ROR1: variants seen among roughly 807,000 people sequenced by gnomAD.
The protein encoded by ROR1 is ROR family WNT receptor 1.
Under a neutral mutation model 78.8 loss-of-function variants are expected in ROR1, and 19 were observed. That is an observed-to-expected ratio of 0.24 (90% CI 0.17 to 0.35). The LOEUF is 0.35. Ranked by LOEUF, ROR1 falls within the 10% of genes least tolerant of loss-of-function variation. The probability of loss-of-function intolerance (pLI) is 1.00; values close to 1 mark genes in which losing one functional copy is unlikely to be tolerated. For missense variants in ROR1, 917 were observed against 1,177.8 expected (o/e 0.78, Z 3.24); for synonymous variants, 386 against 433.6 (o/e 0.89, Z 1.36).
chr1:64,174,006 G>A (rs1232410767), intron 8 of ROR1, among the ~76,000 whole-genome samples: 2 of 151,986 alleles, frequency 1.3e-5, no homozygotes, highest in African/African-American at 4.8e-5. Flanking sequence ...GCAACTACAG[G>A]AGAACAGAGA....
intron 1 of ROR1, among the ~76,000 whole-genome samples, chr1:63,898,309 T>C (rs534811028): frequency 1.9e-5 from 1 of 51,982 alleles, no homozygotes; most frequent in South Asian, 9.1e-4. Context: ...GTTTTCTGAA[T>C]TGAAAGTAAA....
intron 4 of ROR1, among the ~76,000 whole-genome samples, chr1:64,120,620 G>A (rs1235830929): frequency 4.6e-5 from 7 of 152,080 alleles, no homozygotes; most frequent in Non-Finnish European, 7.3e-5. Context: ...CGTGTGGCTA[G>A]TTGCTACCAT....
intron 8 of ROR1, among the ~76,000 whole-genome samples, chr1:64,166,049 A>G (rs1359767909): frequency 6.6e-6 from 1 of 152,128 alleles, no homozygotes; most frequent in Non-Finnish European, 1.5e-5. Context: ...TGTACATAGT[A>G]TAAGGAAAGG....
At chr1:63,980,340 C>T (rs891692547) in intron 1 of ROR1, among the ~76,000 whole-genome samples, 3 of 152,058 alleles carry the variant, frequency 2.0e-5, no homozygotes, top group Non-Finnish European at 4.4e-5. Flanking sequence ...GTAGATTCTT[C>T]TCTTCAGTGA....
intron 1 of ROR1, among the ~76,000 whole-genome samples, chr1:63,979,258 C>T (rs1210248508): frequency 1.3e-5 from 2 of 152,036 alleles, no homozygotes; most frequent in African/African-American, 2.4e-5. Flanking sequence ...GCTGCTGACT[C>T]GGGGGTACTG....
intron 4 of ROR1, among the ~76,000 whole-genome samples, chr1:64,104,463 TC>T (rs1647705049): frequency 6.6e-6 from 1 of 151,926 alleles, no homozygotes; most frequent in Non-Finnish European, 1.5e-5. Flanking sequence ...ATACATCCTG[TC>T]CCCTCATGGG....
chr1:64,119,511 C>T (rs1648445396), intron 4 of ROR1, among the ~76,000 whole-genome samples: 1 of 151,704 alleles, frequency 6.6e-6, no homozygotes, highest in Non-Finnish European at 1.5e-5. Flanking sequence ...TGGTGGCAGG[C>T]GCCTGTAATC....
In ROR1 at chr1:63,856,689, G is replaced by T. The variant is rs60325155; in HGVS notation, c.91+82181G>T. On this transcript the variant is annotated intron_variant, in intron 1 of 8. Transcript: ENST00000371079. ...AGGCAGTAAGCTGGAGGACTCGTAGGATTCGTTTCATTTGCCTTCCTTCTT... is the reference window on the plus strand; with the variant it reads ...AGGCAGTAAGCTGGAGGACTCGTAGTATTCGTTTCATTTGCCTTCCTTCTT... 1.0e-3 allele frequency among the ~76,000 whole-genome samples: 155 copies of T among 152,250 alleles called. 1 individual carries two copies. In the East Asian group the frequency reaches 0.029, roughly 28 times the overall value.
intron 1 of ROR1, among the ~76,000 whole-genome samples, chr1:63,914,142 T>C (rs1454524072): frequency 2.6e-5 from 4 of 152,238 alleles, no homozygotes; most frequent in African/African-American, 9.6e-5. Context: ...CACTAGCTCT[T>C]GCTTTCTCCT....
At chr1:64,133,918 G>C (rs1302946462) in intron 4 of ROR1, among the ~76,000 whole-genome samples, 1 of 152,180 alleles carries the variant, frequency 6.6e-6, no homozygotes, top group Non-Finnish European at 1.5e-5. Context: ...TCCAGCCAAA[G>C]CCAGTGGGGA....
At chr1:64,090,123 G>A (rs926535176) in intron 4 of ROR1, among the ~76,000 whole-genome samples, 1 of 152,118 alleles carries the variant, frequency 6.6e-6, no homozygotes, top group Non-Finnish European at 1.5e-5. Context: ...AGTCTTGGGT[G>A]TGTCTTTATT....
At chr1:64,101,286 AG>A (rs1445675922) in intron 4 of ROR1, among the ~76,000 whole-genome samples, 1 of 152,150 alleles carries the variant, frequency 6.6e-6, no homozygotes, top group Non-Finnish European at 1.5e-5. Context: ...GGTAGGGAAC[AG>A]GGGAGTCTCT....
chr1:64,013,102 A>G (rs533439157), intron 2 of ROR1, among the ~76,000 whole-genome samples: 1 of 152,326 alleles, frequency 6.6e-6, no homozygotes, highest in African/African-American at 2.4e-5. Flanking sequence ...CACCTACTGC[A>G]TAGGGCTGTT....
chr1:63,786,686 T>C (rs1644690741), intron 1 of ROR1, among the ~76,000 whole-genome samples: 2 of 151,814 alleles, frequency 1.3e-5, no homozygotes. Context: ...CCCACATCTT[T>C]CCTGAGGGCT....
intron 1 of ROR1, among the ~76,000 whole-genome samples, chr1:63,873,368 T>G (rs1495191): frequency 0.056 from 8,560 of 152,204 alleles, 602 homozygotes; most frequent in African/African-American, 0.15. Context: ...TCTTAGTGTG[T>G]ATTATCTCCC....
chr1:64,018,271 A>G (rs1370566023), intron 2 of ROR1, among the ~76,000 whole-genome samples: 3 of 152,280 alleles, frequency 2.0e-5, no homozygotes, highest in East Asian at 1.9e-4. Flanking sequence ...GTGCTTTACC[A>G]TGGGGCTCCT....
rs1650493408 is a variant in ROR1 at position 64,179,519 on chromosome 1, C to T, written c.*664C>T. ...CCTCCTCTGATCATGAGGGTCTTTC[C>T]CACAGTTTCTCACAGTGTGTTTACA... On this transcript the variant is annotated 3_prime_UTR_variant, in exon 9 of 9. Transcript: ENST00000371079. The T allele has an allele frequency of 6.6e-6, 1 of 152,182 alleles. No individual in the cohort carries two copies. The highest frequency in any genetic ancestry group is 1.5e-5 in the Non-Finnish European group (1 of 68,174). 9.4% of individuals were successfully genotyped at this position (152,182 alleles called of 1,614,324 possible).
intron 4 of ROR1, among the ~76,000 whole-genome samples, chr1:64,134,911 A>C (rs910323312): frequency 6.6e-6 from 1 of 151,728 alleles, no homozygotes; most frequent in Non-Finnish European, 1.5e-5. Flanking sequence ...ACCACACCCA[A>C]CTAATTTTTG....
chr1:64,087,547 A>G (rs566182475), intron 4 of ROR1, among the ~76,000 whole-genome samples: 1 of 152,254 alleles, frequency 6.6e-6, no homozygotes, highest in African/African-American at 2.4e-5. Flanking sequence ...CATAGTTTCC[A>G]CTTTAAGTAA....
Sources: gnomAD v4.1 joint callset for allele counts (sites outside exome capture counted in the v4.1 genomes callset) on GRCh38, gnomAD v4.1.1 for gene constraint, MANE v1.5 for transcripts, NCBI Gene and HGNC (gene_info 2026-07-23, HGNC 2026-07-21) for gene names.